The following RNF213 variants were observed in gnomAD, a reference collection of about 807,000 sequenced individuals.
RNF213 encodes the protein ring finger protein 213, also known as E3 ubiquitin-protein ligase RNF213.
Under a neutral mutation model 514.4 loss-of-function variants are expected in RNF213, and 341 were observed. The ratio of observed to expected loss-of-function variants is 0.66; its 90% confidence interval spans 0.61 to 0.73. RNF213 has a LOEUF of 0.73. Among genes scored for constraint, RNF213 ranks in the 30% least tolerant of loss-of-function variants. The pLI, the probability that RNF213 is intolerant of heterozygous loss-of-function variation, is 0.00. For synonymous variants in RNF213, 2,655 were observed against 2,658.2 expected (o/e 1.00, Z 0.04); for missense variants, 5,767 against 6,615.6 (o/e 0.87, Z 4.45).
At chr17:80,324,942 G>A in intron 17 of RNF213, 88 bp from the exon 18 acceptor site, 1 of 1,238,296 alleles carries the variant, frequency 8.1e-7, no homozygotes, top group South Asian at 1.3e-5. Flanking sequence ...TTTCAGAAAT[G>A]CTATCGAGTA....
chr17:80,318,359 T>C (rs1255480547), intron 16 of RNF213, among the ~76,000 whole-genome samples: 1 of 152,180 alleles, frequency 6.6e-6, no homozygotes, highest in African/African-American at 2.4e-5. Context: ...GACCCGCCCC[T>C]GTCTGCGTAG....
chr17:80,279,620 A>G (rs2044187364), intron 3 of RNF213, among the ~76,000 whole-genome samples: 1 of 151,628 alleles, frequency 6.6e-6, no homozygotes, highest in Non-Finnish European at 1.5e-5. Flanking sequence ...ACCTGCCACC[A>G]CGCCCGGCTA....
rs1454723903 is a variant in RNF213 at position 80,376,166 on chromosome 17, AT to A, written c.13186-132del. On this transcript the variant is annotated intron_variant, in intron 51 of 67. Coordinates refer to ENST00000582970, the MANE Select transcript of RNF213 (RefSeq NM_001256071.3). ...TATGCACAATTCTCTTCTCTGAAAA[AT>A]TTCCCCCTCAAATGGTGGTGATTTC... The A allele has an allele frequency of 1.7e-4, 174 of 1,026,286 alleles. No individual in the cohort carries two copies. In the East Asian group the frequency reaches 4.2e-3, roughly 25 times the overall value. 63.6% of individuals were successfully genotyped at this position (1,026,286 alleles called of 1,614,324 possible).
intron 7 of RNF213, 93 bp from the exon 8 acceptor site, chr17:80,291,535 C>T: frequency 1.5e-6 from 2 of 1,290,752 alleles, no homozygotes; most frequent in Non-Finnish European, 2.3e-6. Flanking sequence ...GCCACATCAA[C>T]TTATAGCTTT....
chr17:80,372,990 A>C lies in RNF213; in HGVS notation c.12767A>C (p.Lys4256Thr). 6.2e-7 allele frequency: 1 copy of C among 1,613,868 alleles called. No homozygotes were observed. Among genetic ancestry groups the C allele is most frequent in the Non-Finnish European group, 8.5e-7 (1 of 1,179,938 alleles). The stretch of plus-strand genomic sequence containing the variant: ...GGCCTCTCAGAGATGGCCAAGGAGA[A>C]GCAGTGCTACCTGCAGCAAGTCAAG... The part of the protein sequence containing the change: ...PEGGPEMAKE[K>T]QCYLQQVKQF... The change falls in exon 49 of 68, where the codon AAG becomes ACG. Residue 4256 changes from lysine (K) to threonine (T), a missense_variant. Lys to Thr is a moderately conservative substitution (Grantham distance 78). Around this residue, in one of 13 missense-constraint regions of RNF213, gnomAD observed 1,245 missense variants for 1,339.0 expected, o/e 0.93. Transcript: ENST00000582970.
At chr17:80,313,758 G>GTGGTGGAGGTACTGGAGGTGA (rs2045676768) in intron 15 of RNF213, among the ~76,000 whole-genome samples, 1 of 121,652 alleles carries the variant, frequency 8.2e-6, no homozygotes, top group Admixed American at 8.7e-5. Context: ...GGTGGTGGAG[G>GTGGTGGAGGTACTGGAGGTGA]TGGTGGAGGT....
chr17:80,384,726 C>G, intron 59 of RNF213: 1 of 411,968 alleles, frequency 2.4e-6, no homozygotes, highest in Non-Finnish European at 4.6e-6. Flanking sequence ...AGCAGCTTCT[C>G]TCCGTACCCA....
Position 80,354,281 on chromosome 17 carries a change from A to G in RNF213, c.10726+115A>G, listed in dbSNP as rs2078648126. ...CTCTCAGGTTTCCATGGCTCAGCAG[A>G]AGCAGTGACACAGTGGGAATCTAAG... On this transcript the variant is annotated intron_variant, in intron 35 of 67. Transcript: ENST00000582970. 3 of 1,496,244 alleles carry G rather than the reference A, an allele frequency of 2.0e-6. No individual in the cohort carries two copies. In the East Asian group the frequency reaches 6.8e-5, roughly 34 times the overall value. The allele number at this position is 1,496,244 out of a possible 1,614,324, so 92.7% of individuals were successfully genotyped here. A position where few individuals can be genotyped will look rare whatever the true frequency, so the allele number is the denominator to read the frequency against.
At chr17:80,306,519 G>A in intron 12 of RNF213, 51 bp downstream of exon 12, 1 of 1,533,454 alleles carries the variant, frequency 6.5e-7, no homozygotes, top group Non-Finnish European at 9.0e-7. Flanking sequence ...AAGCAGACTA[G>A]ATAACTAAAC....
chr17:80,358,569 A>T (rs967165247), intron 37 of RNF213, 90 bp downstream of exon 37: 2 of 1,228,982 alleles, frequency 1.6e-6, no homozygotes, highest in African/African-American at 3.0e-5. Flanking sequence ...GGTGAAACGC[A>T]GCCCTCAACT....
intron 3 of RNF213, among the ~76,000 whole-genome samples, chr17:80,275,565 G>C (rs1202712322): frequency 6.6e-6 from 1 of 152,146 alleles, no homozygotes; most frequent in Non-Finnish European, 1.5e-5. Context: ...GACCTGAGAA[G>C]ACCTCAGTGC....
At chr17:80,314,338 TGGTGGTGGTGGA>T in intron 15 of RNF213, among the ~76,000 whole-genome samples, 1 of 17,592 alleles carries the variant, frequency 5.7e-5, no homozygotes, top group Non-Finnish European at 1.4e-4. Context: ...ATGGTGGTGG[TGGTGGTGGTGGA>T]GGTACTGGAG....
At chr17:80,328,593 T>G in intron 20 of RNF213, 116 bp downstream of exon 20, 1 of 1,102,186 alleles carries the variant, frequency 9.1e-7, no homozygotes, top group Non-Finnish European at 1.2e-6. Context: ...TTAAAATTTT[T>G]TTTTTAATTT....
At chr17:80,313,824 G>T (rs1464364485) in intron 15 of RNF213, among the ~76,000 whole-genome samples, 1 of 129,548 alleles carries the variant, frequency 7.7e-6, no homozygotes, top group Non-Finnish European at 1.7e-5. Flanking sequence ...GGTGATGGTG[G>T]TGGTGGAGGT....
intron 13 of RNF213, 42 bp from the exon 14 acceptor site, chr17:80,308,976 C>G: frequency 1.2e-6 from 2 of 1,612,534 alleles, no homozygotes; most frequent in Non-Finnish European, 1.7e-6. Context: ...CTGGCTTCTC[C>G]TAAATCCTTG....
Position 80,261,547 on chromosome 17 carries a change from C to T in RNF213, c.-109+645C>T, listed in dbSNP as rs576063930. The stretch of plus-strand genomic sequence containing the variant: ...GTGCAAACATGGTGGTGGCCCTTCC[C>T]TGCCCCCACCTTGTTGACTTTGGTT... On this transcript the variant is annotated intron_variant, in intron 1 of 67. Coordinates refer to ENST00000582970, the MANE Select transcript of RNF213 (RefSeq NM_001256071.3). 1.8e-4 allele frequency among the ~76,000 whole-genome samples: 28 copies of T among 152,326 alleles called. No individual in the cohort carries two copies. The South Asian group carries it at 2.7e-3, about 15-fold the overall frequency.
At chr17:80,297,680 G>T (rs62076483) in intron 10 of RNF213, among the ~76,000 whole-genome samples, 1 of 149,380 alleles carries the variant, frequency 6.7e-6, no homozygotes, top group Admixed American at 6.7e-5. Flanking sequence ...CCAGCTACTC[G>T]GGAGGCTGAG....
chr17:80,343,056 C>T lies in RNF213; in HGVS notation c.5990-76C>T. The T allele has an allele frequency of 8.2e-7, 1 of 1,221,718 alleles. No individual in the cohort carries two copies. 75.7% of individuals were successfully genotyped at this position (1,221,718 alleles called of 1,614,324 possible). On this transcript the variant is annotated intron_variant, in intron 26 of 67. Coordinates refer to ENST00000582970, the MANE Select transcript of RNF213 (RefSeq NM_001256071.3). This position sits in a 1 kb window ranked among gnomAD's most constrained non-coding sequence, Gnocchi z 4.3. Reference sequence around the variant, plus strand: ...CTCCTGACCTCAAGTGATCCCCCCGCCTCGGCCTCCCAAAGTGCTAGGATT... The same window carrying T: ...CTCCTGACCTCAAGTGATCCCCCCGTCTCGGCCTCCCAAAGTGCTAGGATT...
intron 40 of RNF213, 102 bp from the exon 41 acceptor site, chr17:80,363,507 G>T (rs2079131330): frequency 1.4e-6 from 2 of 1,401,044 alleles, no homozygotes; most frequent in South Asian, 2.4e-5. Flanking sequence ...AGTTTAGGTC[G>T]CAAGCCTGGG....
Sources: allele counts gnomAD v4.1 joint callset (sites outside exome capture counted in the v4.1 genomes callset), GRCh38; gene constraint gnomAD v4.1.1; regional missense constraint gnomAD v4.1.1; non-coding constraint Gnocchi (gnomAD v3.1); transcripts MANE v1.5; gene names NCBI Gene and HGNC (gene_info 2026-07-23, HGNC 2026-07-21).